BATF: variants seen among roughly 807,000 people sequenced by gnomAD.
The protein encoded by BATF is basic leucine zipper transcriptional factor ATF-like.
A neutral mutation model predicts 13.7 loss-of-function variants in BATF; 5 were observed. That is an observed-to-expected ratio of 0.36 (90% confidence interval 0.19 to 0.77). BATF has a LOEUF of 0.77. Ranked by LOEUF, BATF falls within the 30% of genes least tolerant of loss-of-function variation. The pLI is 0.51. For missense variants in BATF, 124 were observed against 163.0 expected, an observed-to-expected ratio of 0.76 and a Z score of 1.30; for synonymous variants, 72 against 67.5, an observed-to-expected ratio of 1.07 and a Z score of -0.33.
chr14:75,529,589 T>C (rs1688599766), intron 2 of BATF, among the ~76,000 whole-genome samples: 2 of 152,250 alleles, frequency 1.3e-5, no homozygotes, highest in Non-Finnish European at 2.9e-5. Context: ...AAAAGATTGA[T>C]ATACATTACT....
At chr14:75,532,902 C>T (rs1887758962) in intron 2 of BATF, among the ~76,000 whole-genome samples, 1 of 152,180 alleles carries the variant, frequency 6.6e-6, no homozygotes, top group African/African-American at 2.4e-5. Context: ...GAAGGATATT[C>T]TCCAAAATGC....
rs777866144 is a variant in BATF, at chr14:75,546,638, A to T, written c.345A>T (p.Gln115His). The T allele has an allele frequency of 2.5e-6, 4 of 1,610,636 alleles. No homozygotes were observed. The African/African-American group carries it at 5.4e-5, about 22-fold the overall frequency. Residue 115 changes from glutamine to histidine, a missense_variant, in exon 3 of 3, where the codon CAA becomes CAT. This residue lies in a region of BATF where 59 missense variants were observed against 49.7 expected (regional missense o/e 1.19). Coordinates refer to ENST00000286639, the MANE Select transcript of BATF (RefSeq NM_006399.5). ...EVVYSAHAFH[Q>H]PHVSSPRFQP ...TGTACAGCGCCCACGCATTCCACCA[A>T]CCTCATGTCAGCTCCCCGCGCTTCC...
intron 1 of BATF, among the ~76,000 whole-genome samples, chr14:75,523,105 G>T (rs1465770676): frequency 6.6e-6 from 1 of 152,032 alleles, no homozygotes; most frequent in Non-Finnish European, 1.5e-5. Flanking sequence ...AAAGTGAGAG[G>T]AGTTTTCAAG....
intron 2 of BATF, among the ~76,000 whole-genome samples, chr14:75,525,401 A>AC (rs1020980819): frequency 7.2e-5 from 11 of 151,794 alleles, no homozygotes; most frequent in African/African-American, 2.7e-4. Context: ...GGTGGCTCAC[A>AC]CCTGTAATCC....
chr14:75,523,549 A>G (rs989720972), intron 1 of BATF, among the ~76,000 whole-genome samples: 1 of 152,186 alleles, frequency 6.6e-6, no homozygotes, highest in Non-Finnish European at 1.5e-5. Context: ...AGGATTACCA[A>G]AAAAGGAGTG....
chr14:75,529,925 G>A (rs191217923), intron 2 of BATF, among the ~76,000 whole-genome samples: 2 of 152,130 alleles, frequency 1.3e-5, no homozygotes, highest in East Asian at 1.9e-4. Context: ...TTAGCCAGGC[G>A]TGGTGGCGGG....
At chr14:75,528,780 T>G (rs1429642992) in intron 2 of BATF, among the ~76,000 whole-genome samples, 2 of 152,170 alleles carry the variant, frequency 1.3e-5, no homozygotes, top group Non-Finnish European at 2.9e-5. Context: ...AAAAATTATT[T>G]GAAATAATAA....
intron 2 of BATF, among the ~76,000 whole-genome samples, chr14:75,527,046 C>A (rs566125251): frequency 9.2e-5 from 14 of 152,308 alleles, no homozygotes; most frequent in African/African-American, 3.4e-4. Context: ...AGCCCTGCTG[C>A]CTACTATCTG....
chr14:75,528,387 C>T (rs979183241), intron 2 of BATF, among the ~76,000 whole-genome samples: 8 of 152,148 alleles, frequency 5.3e-5, no homozygotes, highest in Admixed American at 2.0e-4. Context: ...GCTTACTATT[C>T]GACATTTTCA....
In BATF at chr14:75,538,903, A is replaced by AAAAC. The variant is rs544981968; in HGVS notation, c.169-7538_169-7535dup. ...GCGACAGAGCGAGACACGGTCTCAA[A>AAAAC]AAACAAACAAACAAACAAACAAACT... On this transcript the variant is annotated intron_variant, in intron 2 of 2. Transcript: ENST00000286639. Among the ~76,000 whole-genome samples, 364 of 152,344 alleles carry AAAAC rather than the reference A, an allele frequency of 2.4e-3. 3 individuals carry two copies. The highest frequency in any genetic ancestry group is 8.7e-3 in the East Asian group (45 of 5,176).
At chr14:75,540,093 T>C (rs752011866) in intron 2 of BATF, among the ~76,000 whole-genome samples, 1 of 152,042 alleles carries the variant, frequency 6.6e-6, no homozygotes, top group Non-Finnish European at 1.5e-5. Flanking sequence ...CTTCTGGAAA[T>C]TGTGATTAGA....
At chr14:75,526,396 A>T (rs1465937399) in intron 2 of BATF, among the ~76,000 whole-genome samples, 1 of 152,196 alleles carries the variant, frequency 6.6e-6, no homozygotes, top group Non-Finnish European at 1.5e-5. Flanking sequence ...CCATGGAAAA[A>T]GTGCAATTGG....
At chr14:75,535,300 A>G (rs1887801332) in intron 2 of BATF, among the ~76,000 whole-genome samples, 1 of 152,134 alleles carries the variant, frequency 6.6e-6, no homozygotes, top group Non-Finnish European at 1.5e-5. Context: ...GCACCCAGCT[A>G]CTTTAGAGGC....
intron 2 of BATF, among the ~76,000 whole-genome samples, chr14:75,537,176 C>T (rs554269787): frequency 2.6e-5 from 4 of 152,204 alleles, no homozygotes; most frequent in South Asian, 2.1e-4. Flanking sequence ...AATGGCACGA[C>T]GAAGTTCTTA....
At chr14:75,539,490 C>A (rs1887865736) in intron 2 of BATF, among the ~76,000 whole-genome samples, 1 of 120,146 alleles carries the variant, frequency 8.3e-6, no homozygotes, top group African/African-American at 3.2e-5. Flanking sequence ...GAAGGCAAGG[C>A]AGAAGGGGTT....
chr14:75,545,388 A>ATTTTTTTTTTTTT (rs35791450), intron 2 of BATF, among the ~76,000 whole-genome samples: 12 of 105,216 alleles, frequency 1.1e-4, no homozygotes, highest in African/African-American at 3.1e-4. Flanking sequence ...CGCCTGGTTA[A>ATTTTTTTTTTTTT]TTTTTTTTTT....
chr14:75,536,179 A>G (rs1026599612), intron 2 of BATF, among the ~76,000 whole-genome samples: 7 of 152,224 alleles, frequency 4.6e-5, no homozygotes, highest in African/African-American at 1.7e-4. Context: ...TTCAAAGAAG[A>G]TGAAATCATG....
rs544981968 is a variant in BATF at position 75,538,903 on chromosome 14, AAAACAAAC to A, written c.169-7542_169-7535del. Among the ~76,000 whole-genome samples, 131 of 152,346 alleles carry A rather than the reference AAAACAAAC, an allele frequency of 8.6e-4. 2 individuals carry two copies. In the South Asian group the frequency reaches 0.021, roughly 25 times the overall value. ...GCGACAGAGCGAGACACGGTCTCAA[AAAACAAAC>A]AAACAAACAAACAAACTATTCAAAC... On this transcript the variant is annotated intron_variant, in intron 2 of 2. Transcript: ENST00000286639.
In BATF at chr14:75,546,485, G is replaced by A. The variant is rs1401618273; in HGVS notation, c.192G>A (p.Gln64=). 6.2e-7 allele frequency: 1 copy of A among 1,614,184 alleles called. No homozygotes were observed. Residue 64 remains glutamine (Q), a synonymous_variant, in exon 3 of 3, where the codon CAG becomes CAA. Transcript: ENST00000286639. The stretch of plus-strand genomic sequence containing the variant: ...AGGAGAGCGAAGACCTGGAGAAACA[G>A]AACGCGGCTCTACGCAAGGAGATCA... ...LHLESEDLEK[Q]NAALRKEIKQ...
Sources: gnomAD v4.1 joint callset for allele counts (sites outside exome capture counted in the v4.1 genomes callset) on GRCh38, gnomAD v4.1.1 for gene constraint, gnomAD v4.1.1 regional missense constraint, MANE v1.5 for transcripts, NCBI Gene and HGNC (gene_info 2026-07-23, HGNC 2026-07-21) for gene names.